C12orf54: variants seen among roughly 807,000 people sequenced by gnomAD.
C12orf54 encodes uncharacterized protein C12orf54.
In C12orf54, 24 loss-of-function variants were observed where a neutral mutation model predicts 26.4. That is an observed-to-expected ratio of 0.91 (90% CI 0.66 to 1.28). C12orf54 has a LOEUF of 1.28. Ranked by LOEUF, C12orf54 falls within the 50% of genes most tolerant of loss-of-function variation. The pLI, the probability that C12orf54 is intolerant of heterozygous loss-of-function variation, is 0.00. For missense variants in C12orf54, 154 were observed against 150.9 expected (o/e 1.02, Z -0.11); for synonymous variants, 54 against 47.0 (o/e 1.15, Z -0.61).
At chr12:48,495,060 C>A in intron 8 of C12orf54, 81 bp downstream of exon 8, 1 of 1,054,438 alleles carries the variant, frequency 9.5e-7, no homozygotes, top group Non-Finnish European at 1.4e-6. Flanking sequence ...CTTAGGCCCT[C>A]ATCCCAACAT....
At chr12:48,462,094 T>C in the C12orf54 span, among the ~76,000 whole-genome samples, 1 of 151,522 alleles carries the variant, frequency 6.6e-6, no homozygotes, top group Non-Finnish European at 1.5e-5. Flanking sequence ...ATGAAAAAAC[T>C]AATAAGGGAA....
chr12:48,452,613 G>A, the C12orf54 span, among the ~76,000 whole-genome samples: 1 of 152,088 alleles, frequency 6.6e-6, no homozygotes, highest in East Asian at 1.9e-4. Flanking sequence ...ATCTGACAAA[G>A]GTCTAGTATC....
the C12orf54 span, among the ~76,000 whole-genome samples, chr12:48,463,161 C>T: frequency 6.6e-6 from 1 of 151,724 alleles, no homozygotes; most frequent in Non-Finnish European, 1.5e-5. Flanking sequence ...ATATTAAATG[C>T]TTAGGTATAA....
At position 48,494,876 on chromosome 12, in the gene C12orf54, A is replaced by T; in HGVS notation, c.321A>T (p.Gly107=). The T allele has an allele frequency of 1.2e-6, 2 of 1,613,068 alleles. No individual in the cohort carries two copies. Among genetic ancestry groups the T allele is most frequent in the Non-Finnish European group, 1.7e-6 (2 of 1,178,948 alleles). ...LQFSSGEQPS[G]GRIHNLKTQL... ...TCAGCTCTGGAGAGCAGCCATCAGG[A>T]GGCCGTATCCACAACCTGAAGACAC... is the stretch of plus-strand genomic sequence containing the variant. The change falls in exon 8 of 9, where the codon GGA becomes GGT. Residue 107 remains glycine, a synonymous_variant. Coordinates refer to ENST00000548364, the MANE Select transcript of C12orf54 (RefSeq NM_152319.4).
At chr12:48,444,824 A>G in the C12orf54 span, among the ~76,000 whole-genome samples, 2 of 152,220 alleles carry the variant, frequency 1.3e-5, no homozygotes, top group Non-Finnish European at 2.9e-5. Context: ...GAGACATACA[A>G]AAGTATCTAG....
chr12:48,415,170 A>G, the C12orf54 span, among the ~76,000 whole-genome samples: 1 of 152,190 alleles, frequency 6.6e-6, no homozygotes, highest in Non-Finnish European at 1.5e-5. Context: ...CTATGTGACC[A>G]TATCCATGAA....
At chr12:48,485,178 G>A (rs982717704) in intron 2 of C12orf54, among the ~76,000 whole-genome samples, 2 of 152,142 alleles carry the variant, frequency 1.3e-5, no homozygotes, top group African/African-American at 4.8e-5. Context: ...CTGGGCTCAA[G>A]CAATCCTCCT....
the C12orf54 span, among the ~76,000 whole-genome samples, chr12:48,446,767 G>A: frequency 3.7e-4 from 56 of 151,968 alleles, no homozygotes; most frequent in African/African-American, 1.2e-3. Context: ...TTATTATTAG[G>A]CAATCAATAA....
chr12:48,490,312 G>A (rs544084460), intron 5 of C12orf54, among the ~76,000 whole-genome samples: 52 of 152,268 alleles, frequency 3.4e-4, no homozygotes, highest in African/African-American at 1.2e-3. Flanking sequence ...AAGTGGTTTG[G>A]TGTGAGAGAT....
chr12:48,470,145 G>A, the C12orf54 span, among the ~76,000 whole-genome samples: 4 of 152,162 alleles, frequency 2.6e-5, no homozygotes, highest in Non-Finnish European at 5.9e-5. Context: ...GAATAGTGCA[G>A]CGATGAACAT....
chr12:48,461,282 C>G, the C12orf54 span, among the ~76,000 whole-genome samples: 1 of 151,814 alleles, frequency 6.6e-6, no homozygotes, highest in African/African-American at 2.4e-5. Flanking sequence ...TAGACAAAAT[C>G]ATAATTTTAG....
chr12:48,474,252 G>A, the C12orf54 span, among the ~76,000 whole-genome samples: 1 of 152,154 alleles, frequency 6.6e-6, no homozygotes, highest in Admixed American at 6.5e-5. Context: ...ATTTTATGGA[G>A]CCAGGTGGAG....
the C12orf54 span, among the ~76,000 whole-genome samples, chr12:48,476,041 T>G: frequency 1.3e-5 from 2 of 152,062 alleles, no homozygotes; most frequent in Non-Finnish European, 2.9e-5. Context: ...GACTAACAGC[T>G]GATCTCTCGG....
the C12orf54 span, among the ~76,000 whole-genome samples, chr12:48,454,192 G>T: frequency 1.3e-5 from 2 of 148,608 alleles, no homozygotes; most frequent in African/African-American, 2.5e-5. Context: ...CTGCCTCCTG[G>T]GTTCAAGTGA....
the C12orf54 span, among the ~76,000 whole-genome samples, chr12:48,449,145 G>T: frequency 6.6e-6 from 1 of 152,150 alleles, no homozygotes; most frequent in Admixed American, 6.6e-5. Flanking sequence ...TCTCATAGTG[G>T]CTGCCCTTAG....
intron 6 of C12orf54, among the ~76,000 whole-genome samples, chr12:48,492,147 C>T (rs1937802618): frequency 6.6e-6 from 1 of 152,130 alleles, no homozygotes; most frequent in African/African-American, 2.4e-5. Flanking sequence ...CTCTTGGGGT[C>T]TTTCTGGAAC....
At chr12:48,419,760 C>G in the C12orf54 span, among the ~76,000 whole-genome samples, 1 of 152,118 alleles carries the variant, frequency 6.6e-6, no homozygotes, top group Non-Finnish European at 1.5e-5. Flanking sequence ...TTGTTATCCC[C>G]AGTGGAGAGA....
the C12orf54 span, among the ~76,000 whole-genome samples, chr12:48,443,895 T>C: frequency 6.6e-6 from 1 of 152,220 alleles, no homozygotes; most frequent in Non-Finnish European, 1.5e-5. Flanking sequence ...AAAGGACTTA[T>C]GGTTTCTCTC....
the C12orf54 span, among the ~76,000 whole-genome samples, chr12:48,444,827 G>T: frequency 6.6e-6 from 1 of 152,140 alleles, no homozygotes; most frequent in African/African-American, 2.4e-5. Flanking sequence ...ACATACAAAA[G>T]TATCTAGTAC....
Sources: gnomAD v4.1 joint callset for allele counts (sites outside exome capture counted in the v4.1 genomes callset) on GRCh38, gnomAD v4.1.1 for gene constraint, MANE v1.5 for transcripts, NCBI Gene and HGNC (gene_info 2026-07-23, HGNC 2026-07-21) for gene names.